The following TNN variants were observed in gnomAD, a reference collection of about 807,000 sequenced individuals.
The protein encoded by TNN is tenascin N, also known as tenascin-N.
A neutral mutation model predicts 134.4 loss-of-function variants in TNN; 122 were observed. The ratio of observed to expected loss-of-function variants is 0.91; its 90% CI spans 0.78 to 1.06. TNN has a LOEUF of 1.06. Ranked by LOEUF, TNN falls within the 50% of genes least tolerant of loss-of-function variation. The probability of loss-of-function intolerance (pLI) is 0.00; values close to 1 mark genes in which losing one functional copy is unlikely to be tolerated. For missense variants in TNN, 1,739 were observed against 1,699.4 expected (o/e 1.02, Z -0.41); for synonymous variants, 710 against 670.3 (o/e 1.06, Z -0.91).
At chr1:175,111,700 G>A (rs754422630) in intron 9 of TNN, among the ~76,000 whole-genome samples, 45 of 151,446 alleles carry the variant, frequency 3.0e-4, no homozygotes, top group Middle Eastern at 3.4e-3. Flanking sequence ...TCCTTGCAGC[G>A]ATCTTTCACC....
chr1:175,104,766 C>T (rs912255952), intron 9 of TNN, among the ~76,000 whole-genome samples: 2 of 145,862 alleles, frequency 1.4e-5, no homozygotes, highest in African/African-American at 4.9e-5. Flanking sequence ...ATAAACTTAT[C>T]TTTTAGAATC....
chr1:175,097,809 A>T (rs1375462078), intron 8 of TNN, 126 bp downstream of exon 8: 1 of 1,341,180 alleles, frequency 7.5e-7, no homozygotes, highest in Non-Finnish European at 1.0e-6. Context: ...TGAAAGAAAG[A>T]CTGAGCTCTC....
chr1:175,079,674 G>A lies in TNN; in HGVS notation c.751G>A (p.Glu251Lys), dbSNP rs1220833179. The change falls in exon 3 of 19, where the codon GAG becomes AAG. Residue 251 changes from glutamate to lysine, a missense_variant. Transcript: ENST00000239462. ...CTGTGACACGGGCGAGTGCTACTGC[G>A]AGGAGGGCTTCACAGGCCTGGACTG... ...GFCDTGECYCEEGFTGLDCAQ... is the reference protein window; with the variant it reads ...GFCDTGECYCKEGFTGLDCAQ... The A allele has an allele frequency of 6.2e-7, 1 of 1,608,328 alleles. No individual in the cohort carries two copies. Among genetic ancestry groups the A allele is most frequent in the Non-Finnish European group, 8.5e-7 (1 of 1,177,734 alleles).
Position 175,080,408 on chromosome 1 carries a change from C to G in TNN, c.1030C>G (p.His344Asp). 13 of 1,614,090 alleles carry G rather than the reference C, an allele frequency of 8.1e-6. No individual in the cohort carries two copies. Among genetic ancestry groups the G allele is most frequent in the Non-Finnish European group, 1.0e-5 (12 of 1,179,978 alleles). ...GAATGAAGTTTCTAGCAGCCCACAG[C>G]ATCTACTTGCCACCACAGGTGAGGA... ...VKNEVSSSPQHLLATTDLAVL... is the reference protein window; with the variant it reads ...VKNEVSSSPQDLLATTDLAVL... Residue 344 changes from histidine (H) to aspartate (D), a missense_variant, in exon 4 of 19, where the codon CAT becomes GAT. Transcript: ENST00000239462.
At chr1:175,087,440 G>T (rs1187351178) in intron 6 of TNN, among the ~76,000 whole-genome samples, 1 of 152,222 alleles carries the variant, frequency 6.6e-6, no homozygotes, top group Non-Finnish European at 1.5e-5. Context: ...AAAAGGAAAG[G>T]CAGCTTCTTG....
chr1:175,101,926 T>G (rs1378887266), intron 9 of TNN, among the ~76,000 whole-genome samples: 2 of 138,546 alleles, frequency 1.4e-5, no homozygotes, highest in African/African-American at 2.6e-5. Flanking sequence ...TGCCGATTGA[T>G]GTATTAACAA....
At chr1:175,103,173 C>T (rs956495022) in intron 9 of TNN, among the ~76,000 whole-genome samples, 1 of 146,450 alleles carries the variant, frequency 6.8e-6, no homozygotes, top group Non-Finnish European at 1.5e-5. Context: ...AGCAAGATGG[C>T]TGCCACAGGA....
chr1:175,098,227 C>T, intron 8 of TNN, 105 bp from the exon 9 acceptor site: 1 of 1,525,654 alleles, frequency 6.6e-7, no homozygotes. Flanking sequence ...AATGCCATTG[C>T]CTTGTTCTAA....
intron 18 of TNN, among the ~76,000 whole-genome samples, chr1:175,145,390 A>G (rs1676037723): frequency 6.6e-6 from 1 of 151,358 alleles, no homozygotes; most frequent in Non-Finnish European, 1.5e-5. Context: ...CTGTCTCTAC[A>G]AAAGATACAA....
At chr1:175,093,179 GCTTGA>G (rs1410167662) in intron 6 of TNN, among the ~76,000 whole-genome samples, 1 of 152,194 alleles carries the variant, frequency 6.6e-6, no homozygotes, top group African/African-American at 2.4e-5. Context: ...CCCTCCAGCC[GCTTGA>G]CTTAACTCTG....
rs1010821908 is a variant in TNN at position 175,104,427 on chromosome 1, G to A, written c.2119+5832G>A. 4.8e-5 allele frequency among the ~76,000 whole-genome samples: 7 copies of A among 145,632 alleles called. 1 individual carries two copies. Among genetic ancestry groups the A allele is most frequent in the African/African-American group, 1.2e-4 (5 of 40,448 alleles). ...CAGTGCACCTTCCAGTGATTGCCTC[G>A]GCATAGTGGACACGGATGAGGGGGC... On this transcript the variant is annotated intron_variant, in intron 9 of 18. Coordinates refer to ENST00000239462, the MANE Select transcript of TNN (RefSeq NM_022093.2).
chr1:175,077,690 G>T lies in TNN; in HGVS notation c.272G>T (p.Arg91Leu), dbSNP rs41266078. 2 of 1,614,178 alleles carry T rather than the reference G, an allele frequency of 1.2e-6. No individual in the cohort carries two copies. The highest frequency in any genetic ancestry group is 1.3e-5 in the African/African-American group (1 of 75,052). ...EQNIIFRHNI[R>L]LQTPQKDCEL... ...AACATCATCTTCAGGCACAACATCCGCCTTCAGACGCCACAGAAGGACTGC... is the reference window on the plus strand; with the variant it reads ...AACATCATCTTCAGGCACAACATCCTCCTTCAGACGCCACAGAAGGACTGC... Residue 91 changes from arginine to leucine, a missense_variant, in exon 2 of 19, where the codon CGC (arginine) becomes CTC (leucine). Coordinates refer to ENST00000239462, the MANE Select transcript of TNN (RefSeq NM_022093.2).
rs1324257711 is a variant in TNN at position 175,085,717 on chromosome 1, A to C, written c.1324+223A>C. On this transcript the variant is annotated intron_variant, in intron 6 of 18. Transcript: ENST00000239462. ...TGGAGAAACCCTGTCTCTACTAAAA[A>C]TACAAAATAAGCTGGGCGTGGTGGC... Among the ~76,000 whole-genome samples, 5 of 152,058 alleles carry C rather than the reference A, an allele frequency of 3.3e-5. No homozygotes were observed. The East Asian group carries it at 9.7e-4, about 29-fold the overall frequency.
At chr1:175,134,138 T>C (rs1235639865) in intron 15 of TNN, among the ~76,000 whole-genome samples, 2 of 152,228 alleles carry the variant, frequency 1.3e-5, no homozygotes, top group East Asian at 3.8e-4. Context: ...AAGTCTAGCA[T>C]AGACCTCTCT....
intron 6 of TNN, among the ~76,000 whole-genome samples, chr1:175,087,367 G>T (rs1674342244): frequency 6.6e-6 from 1 of 152,182 alleles, no homozygotes. Context: ...ACTTTTCTCA[G>T]GATAAGGTGA....
intron 2 of TNN, among the ~76,000 whole-genome samples, chr1:175,078,661 GA>G (rs1324286239): frequency 1.3e-5 from 2 of 152,180 alleles, no homozygotes; most frequent in African/African-American, 4.8e-5. Context: ...TTTTAGGAAG[GA>G]AAGAAGGTGT....
At position 175,116,925 on chromosome 1, in the gene TNN, A is replaced by G; in HGVS notation, c.2120-14A>G. On this transcript the variant is annotated splice_polypyrimidine_tract_variant and intron_variant, in intron 9 of 18. Coordinates refer to ENST00000239462, the MANE Select transcript of TNN (RefSeq NM_022093.2). ...AGTTCATAGTGTTCATTGATCAGCA[A>G]TTTTTTTTTTCAGACATTGACAGCC... is the stretch of plus-strand genomic sequence containing the variant. 4 of 1,550,280 alleles carry G rather than the reference A, an allele frequency of 2.6e-6. No homozygotes were observed. Among genetic ancestry groups the G allele is most frequent in the South Asian group, 1.1e-5 (1 of 88,744 alleles).
Position 175,113,033 on chromosome 1 carries a change from T to C in TNN, c.2120-3906T>C, listed in dbSNP as rs991264868. On this transcript the variant is annotated intron_variant, in intron 9 of 18. Coordinates refer to ENST00000239462, the MANE Select transcript of TNN (RefSeq NM_022093.2). ...GTAAATTGTTTTCTAGATTATTTTG[T>C]ATATCCTTTGTTAATTTCTTCTTCT... 2.0e-5 allele frequency among the ~76,000 whole-genome samples: 3 copies of C among 152,232 alleles called. No individual in the cohort carries two copies. In the South Asian group the frequency reaches 6.2e-4, roughly 31 times the overall value.
At chr1:175,121,822 G>C (rs10912889) in intron 11 of TNN, among the ~76,000 whole-genome samples, 34,484 of 152,138 alleles carry the variant, frequency 0.23, 4,354 homozygotes, top group East Asian at 0.44. Context: ...GGGAGACTGA[G>C]AAATAAAAAG....
Sources: allele counts gnomAD v4.1 joint callset (sites outside exome capture counted in the v4.1 genomes callset), GRCh38; gene constraint gnomAD v4.1.1; transcripts MANE v1.5; gene names NCBI Gene and HGNC (gene_info 2026-07-23, HGNC 2026-07-21).